The following TNFSF15 variants were observed in gnomAD, a reference collection of about 807,000 sequenced individuals.
TNFSF15 encodes tumor necrosis factor ligand superfamily member 15.
A neutral mutation model predicts 26.4 loss-of-function variants in TNFSF15; 15 were observed. That is an observed-to-expected ratio of 0.57 (90% CI 0.38 to 0.87). The LOEUF (loss-of-function observed/expected upper bound fraction) is 0.87. TNFSF15 is among the 40% of genes least tolerant of loss of function. The pLI is 0.00. For missense variants in TNFSF15, 290 were observed against 306.1 expected (o/e 0.95, Z 0.39); for synonymous variants, 116 against 115.0 (o/e 1.01, Z -0.06).
Position 114,790,702 on chromosome 9 carries a change from C to G in TNFSF15, c.506G>C (p.Gly169Ala). ...TSECSEIRQA[G>A]RPNKPDSITV... ...GATGGAGTCTGGCTTGTTTGGTCGG[C>G]CTGCTTGTCTGATTTCACTGCACTC... is the stretch of plus-strand genomic sequence containing the variant. The change falls in exon 4 of 4, where the codon GGC (glycine) becomes GCC (alanine). Residue 169 changes from glycine to alanine, a missense_variant. Around this residue, in one of 3 missense-constraint regions of TNFSF15, gnomAD observed 102 missense variants for 114.7 expected, o/e 0.89. Transcript: ENST00000374045. 1 of 1,613,962 alleles carries G rather than the reference C, an allele frequency of 6.2e-7. No homozygotes were observed. The highest frequency in any genetic ancestry group is 8.5e-7 in the Non-Finnish European group (1 of 1,179,998).
At chr9:114,802,289 G>C (rs998815894) in intron 1 of TNFSF15, among the ~76,000 whole-genome samples, 1 of 152,174 alleles carries the variant, frequency 6.6e-6, no homozygotes, top group Non-Finnish European at 1.5e-5. Context: ...GTCTTGCTCT[G>C]TCACCCAGGC....
intron 1 of TNFSF15, among the ~76,000 whole-genome samples, chr9:114,801,980 T>C (rs569616830): frequency 1.3e-5 from 2 of 152,336 alleles, no homozygotes; most frequent in South Asian, 4.1e-4. Context: ...TCCAAATATG[T>C]TCATATAGGT....
chr9:114,794,155 T>C (rs994904846), intron 1 of TNFSF15, among the ~76,000 whole-genome samples: 5 of 152,240 alleles, frequency 3.3e-5, no homozygotes, highest in African/African-American at 1.2e-4. Context: ...GTTCCACCAT[T>C]TATTAACAAT....
rs894317087 is a variant in TNFSF15 at position 114,788,044 on chromosome 9, C to A, written c.*2408G>T. ...TGGTGCTCTCACGCACCATGAAGACCGGTTCAGAAAGAACATTTTATGTTT... is the reference window on the plus strand; with the variant it reads ...TGGTGCTCTCACGCACCATGAAGACAGGTTCAGAAAGAACATTTTATGTTT... On this transcript the variant is annotated 3_prime_UTR_variant, in exon 4 of 4. Transcript: ENST00000374045. The A allele has an allele frequency of 4.6e-5, 7 of 153,668 alleles. No individual in the cohort carries two copies. Among genetic ancestry groups the A allele is most frequent in the Admixed American group, 1.3e-4 (2 of 15,270 alleles). The allele number at this position is 153,668 out of a possible 1,614,324, so 9.5% of individuals were successfully genotyped here.
At chr9:114,795,134 C>A (rs1456781577) in intron 1 of TNFSF15, among the ~76,000 whole-genome samples, 1 of 151,942 alleles carries the variant, frequency 6.6e-6, no homozygotes, top group Non-Finnish European at 1.5e-5. Flanking sequence ...ATGTATGTAG[C>A]AAAATATCAC....
At chr9:114,793,461 A>C in intron 2 of TNFSF15, 65 bp downstream of exon 2, 1 of 1,570,142 alleles carries the variant, frequency 6.4e-7, no homozygotes, top group Non-Finnish European at 8.8e-7. Context: ...AACTTCCTGC[A>C]TACAGAACTA....
At chr9:114,798,883 A>C (rs1405649135) in intron 1 of TNFSF15, among the ~76,000 whole-genome samples, 1 of 152,234 alleles carries the variant, frequency 6.6e-6, no homozygotes, top group Non-Finnish European at 1.5e-5. Flanking sequence ...ATCTCTATTC[A>C]TAAACAGGGA....
At chr9:114,798,744 CA>C (rs1269376939) in intron 1 of TNFSF15, among the ~76,000 whole-genome samples, 1 of 152,144 alleles carries the variant, frequency 6.6e-6, no homozygotes, top group Non-Finnish European at 1.5e-5. Context: ...GCTCAGTGTA[CA>C]ATAGATGAAC....
At chr9:114,791,798 T>G (rs950374680) in intron 3 of TNFSF15, 1 of 167,936 alleles carries the variant, frequency 6.0e-6, no homozygotes, top group African/African-American at 2.4e-5. Context: ...TATATATCGA[T>G]GAAAATTCTT....
intron 1 of TNFSF15, among the ~76,000 whole-genome samples, chr9:114,797,762 T>C (rs976065472): frequency 3.3e-5 from 5 of 152,220 alleles, no homozygotes; most frequent in African/African-American, 1.2e-4. Context: ...ATAGACATGG[T>C]GTCTGATAAT....
Position 114,789,090 on chromosome 9 carries a change from A to T in TNFSF15, c.*1362T>A, listed in dbSNP as rs1156568455. 6.6e-6 allele frequency: 1 copy of T among 152,162 alleles called. No individual in the cohort carries two copies. Among genetic ancestry groups the T allele is most frequent in the African/African-American group, 2.4e-5 (1 of 41,440 alleles). The allele number at this position is 152,162 out of a possible 1,614,324, so 9.4% of individuals were successfully genotyped here. On this transcript the variant is annotated 3_prime_UTR_variant, in exon 4 of 4. Transcript: ENST00000374045. ...TTAACTTCTTCAGATTTGGTGATTGACTTCTTTTTTCCCTTCCCCCATGGA... is the reference window on the plus strand; with the variant it reads ...TTAACTTCTTCAGATTTGGTGATTGTCTTCTTTTTTCCCTTCCCCCATGGA...
Position 114,786,876 on chromosome 9 carries a change from C to T in TNFSF15, c.*3576G>A, listed in dbSNP as rs1220544467. The T allele has an allele frequency of 1.6e-5, 2 of 128,472 alleles. No homozygotes were observed. The highest frequency in any genetic ancestry group is 3.1e-5 in the Non-Finnish European group (2 of 64,464). 8.0% of individuals were successfully genotyped at this position (128,472 alleles called of 1,614,324 possible). On this transcript the variant is annotated 3_prime_UTR_variant, in exon 4 of 4. Transcript: ENST00000374045. ...GCAGTGAACTGAGATCCTGCCACTG[C>T]ACTTCAGCCTGGGTGACAAAGCAAG... is the stretch of plus-strand genomic sequence containing the variant.
chr9:114,794,389 T>C (rs1169058419), intron 1 of TNFSF15, among the ~76,000 whole-genome samples: 1 of 152,190 alleles, frequency 6.6e-6, no homozygotes, highest in African/African-American at 2.4e-5. Flanking sequence ...ACAAATAATA[T>C]CATGCATTGG....
In TNFSF15 at chr9:114,795,533, G is replaced by A. The variant is rs915821195; in HGVS notation, c.211-1965C>T. Among the ~76,000 whole-genome samples the A allele has an allele frequency of 3.2e-4, 49 of 152,188 alleles. 1 individual carries two copies. Among genetic ancestry groups the A allele is most frequent in the African/African-American group, 1.1e-3 (46 of 41,450 alleles). On this transcript the variant is annotated intron_variant, in intron 1 of 3. Coordinates refer to ENST00000374045, the MANE Select transcript of TNFSF15 (RefSeq NM_005118.4). ...ATTTACATGTATTAGCATTTACACT[G>A]TATTAGGTATCACAAGCAATCTATG...
In TNFSF15 at chr9:114,788,595, A is replaced by G. The variant is rs1201446512; in HGVS notation, c.*1857T>C. 1 of 152,230 alleles carries G rather than the reference A, an allele frequency of 6.6e-6. No individual in the cohort carries two copies. The highest frequency in any genetic ancestry group is 1.5e-5 in the Non-Finnish European group (1 of 68,042). 9.4% of individuals were successfully genotyped at this position (152,230 alleles called of 1,614,324 possible). On this transcript the variant is annotated 3_prime_UTR_variant, in exon 4 of 4. Coordinates refer to ENST00000374045, the MANE Select transcript of TNFSF15 (RefSeq NM_005118.4). ...TCTCTGCCTCTATAGTCTACTGGAA[A>G]CCAGAGTGAGAGTGATTTTGGTGCC...
At chr9:114,793,444 A>G (rs954800888) in intron 2 of TNFSF15, 82 bp downstream of exon 2, 1 of 1,499,184 alleles carries the variant, frequency 6.7e-7, no homozygotes, top group East Asian at 2.3e-5. Flanking sequence ...TTAAAGACTC[A>G]TCTCTGAACT....
chr9:114,799,143 C>T (rs960523977), intron 1 of TNFSF15, among the ~76,000 whole-genome samples: 1 of 152,178 alleles, frequency 6.6e-6, no homozygotes, highest in Non-Finnish European at 1.5e-5. Flanking sequence ...ACATTCAGCA[C>T]AGTACAAAGC....
At chr9:114,796,050 C>T (rs1390179765) in intron 1 of TNFSF15, among the ~76,000 whole-genome samples, 2 of 152,210 alleles carry the variant, frequency 1.3e-5, no homozygotes, top group African/African-American at 4.8e-5. Context: ...CCTTTCCATC[C>T]ACTTCTCAAT....
intron 1 of TNFSF15, among the ~76,000 whole-genome samples, chr9:114,804,209 A>T (rs1329908712): frequency 1.3e-5 from 2 of 152,204 alleles, no homozygotes. Context: ...TTTCTTGAGC[A>T]TCTGCAATTG....
Sources: gnomAD v4.1 joint callset for allele counts (sites outside exome capture counted in the v4.1 genomes callset) on GRCh38, gnomAD v4.1.1 for gene constraint, gnomAD v4.1.1 regional missense constraint, MANE v1.5 for transcripts, NCBI Gene and HGNC (gene_info 2026-07-23, HGNC 2026-07-21) for gene names.